The following ANKS1A variants were observed in gnomAD, a reference collection of about 807,000 sequenced individuals.
ANKS1A encodes ankyrin repeat and sterile alpha motif domain containing 1A.
A neutral mutation model predicts 120.3 loss-of-function variants in ANKS1A; 55 were observed. The observed-to-expected ratio is 0.46, with a 90% confidence interval of 0.37 to 0.57. The LOEUF (loss-of-function observed/expected upper bound fraction) is 0.57, where lower values mean the gene tolerates loss of function less well. Among genes scored for constraint, ANKS1A ranks in the 20% least tolerant of loss-of-function variants. The pLI is 0.00. For missense variants in ANKS1A, 1,123 were observed against 1,480.3 expected, an observed-to-expected ratio of 0.76 and a Z score of 3.96; for synonymous variants, 590 against 604.7, an observed-to-expected ratio of 0.98 and a Z score of 0.36.
chr6:34,969,325 C>T (rs1442302941), intron 2 of ANKS1A, among the ~76,000 whole-genome samples: 3 of 152,194 alleles, frequency 2.0e-5, no homozygotes, highest in Non-Finnish European at 4.4e-5. Context: ...GTAATCTCAG[C>T]TCACTACAAC....
At chr6:34,972,742 C>A in intron 3 of ANKS1A, 1 of 528,142 alleles carries the variant, frequency 1.9e-6, no homozygotes, top group African/African-American at 2.1e-5. Flanking sequence ...CAGGGTCCTC[C>A]TCATCATGCT....
At chr6:35,051,652 G>T (rs953688343) in intron 11 of ANKS1A, among the ~76,000 whole-genome samples, 2 of 152,134 alleles carry the variant, frequency 1.3e-5, no homozygotes, top group South Asian at 4.1e-4. Context: ...AATAAAATAC[G>T]CTTGATGCCA....
intron 1 of ANKS1A, among the ~76,000 whole-genome samples, chr6:34,952,615 C>T (rs1163215816): frequency 1.3e-5 from 2 of 152,124 alleles, no homozygotes; most frequent in African/African-American, 4.8e-5. Context: ...TTCTAGGTAA[C>T]ATGTCTTAAA....
intron 1 of ANKS1A, among the ~76,000 whole-genome samples, chr6:34,940,997 T>A (rs932810877): frequency 5.3e-5 from 8 of 150,802 alleles, no homozygotes; most frequent in African/African-American, 1.5e-4. Flanking sequence ...CTAAAAAAAA[T>A]TTTTTTTTTG....
At chr6:34,926,351 G>A (rs962817221) in intron 1 of ANKS1A, among the ~76,000 whole-genome samples, 1 of 152,070 alleles carries the variant, frequency 6.6e-6, no homozygotes, top group Non-Finnish European at 1.5e-5. Flanking sequence ...AAACTGTGAG[G>A]GCCACCTGAG....
At chr6:35,069,028 A>G (rs1776937116) in intron 13 of ANKS1A, among the ~76,000 whole-genome samples, 1 of 152,134 alleles carries the variant, frequency 6.6e-6, no homozygotes, top group African/African-American at 2.4e-5. Context: ...GCCCCTCCAC[A>G]CCATGGCCCA....
chr6:35,051,303 G>A lies in ANKS1A; in HGVS notation c.2011-2796G>A, dbSNP rs997305976. Among the ~76,000 whole-genome samples, 7 of 152,230 alleles carry A rather than the reference G, an allele frequency of 4.6e-5. No individual in the cohort carries two copies. In the South Asian group the frequency reaches 8.3e-4, roughly 18 times the overall value. On this transcript the variant is annotated intron_variant, in intron 11 of 23. Transcript: ENST00000360359. ...GGAAAGAGCAGAGCGGAGAAGCAGC[G>A]AGGGTGCTCAACTCTGTTCACTCTG... is the stretch of plus-strand genomic sequence containing the variant.
chr6:34,942,957 CTTTCCTTTTCCT>C (rs1028643256), intron 1 of ANKS1A, among the ~76,000 whole-genome samples: 2 of 149,746 alleles, frequency 1.3e-5, no homozygotes, highest in African/African-American at 2.5e-5. Context: ...CCCCTTTCCC[CTTTCCTTTTCCT>C]TTTCCTTTTC....
In ANKS1A at chr6:35,084,687, C is replaced by T. The variant is rs1194290658; in HGVS notation, c.3132+429C>T. ...CAAGGCCTTTGTTTCCCCCGGCTCC[C>T]TGCCCTAGGTCTCCAACCTCTGGCT... On this transcript the variant is annotated intron_variant, in intron 21 of 23. Coordinates refer to ENST00000360359, the MANE Select transcript of ANKS1A (RefSeq NM_015245.3). The surrounding 1 kb of genome is among the most constrained non-coding windows in gnomAD (Gnocchi z 4.8). Among the ~76,000 whole-genome samples, 1 of 152,196 alleles carries T rather than the reference C, an allele frequency of 6.6e-6. No homozygotes were observed. Among genetic ancestry groups the T allele is most frequent in the Non-Finnish European group, 1.5e-5 (1 of 68,024 alleles).
At chr6:35,002,503 G>A (rs909233075) in intron 10 of ANKS1A, among the ~76,000 whole-genome samples, 1 of 152,132 alleles carries the variant, frequency 6.6e-6, no homozygotes, top group South Asian at 2.1e-4. Context: ...AAGTCACTGA[G>A]GTAGGACAAA....
At chr6:34,987,262 A>G (rs1171213270) in intron 8 of ANKS1A, among the ~76,000 whole-genome samples, 1 of 152,184 alleles carries the variant, frequency 6.6e-6, no homozygotes, top group Non-Finnish European at 1.5e-5. Flanking sequence ...CACCTTAGAG[A>G]AAAAGACACA....
At chr6:34,906,686 A>G (rs1453323128) in intron 1 of ANKS1A, among the ~76,000 whole-genome samples, 3 of 152,264 alleles carry the variant, frequency 2.0e-5, no homozygotes, top group Non-Finnish European at 4.4e-5. Flanking sequence ...CCAGTGAAGA[A>G]TGAAATTGGG....
intron 13 of ANKS1A, among the ~76,000 whole-genome samples, 191 bp from the exon 14 acceptor site, chr6:35,078,367 C>T (rs1777475240): frequency 6.6e-6 from 1 of 152,194 alleles, no homozygotes; most frequent in South Asian, 2.1e-4. Context: ...TCTGGAGCCC[C>T]AGCTCTGCCT....
At chr6:34,925,204 C>T (rs1398059914) in intron 1 of ANKS1A, among the ~76,000 whole-genome samples, 1 of 152,014 alleles carries the variant, frequency 6.6e-6, no homozygotes, top group East Asian at 1.9e-4. Context: ...TCTTTCTTTC[C>T]TGTCCTCTGT....
At chr6:35,005,662 G>A in intron 10 of ANKS1A, 1 of 428,434 alleles carries the variant, frequency 2.3e-6, no homozygotes, top group South Asian at 1.7e-5. Flanking sequence ...ACCAAAAGGA[G>A]AGACTTGATC....
intron 11 of ANKS1A, chr6:35,023,582 T>C (rs1774462017): frequency 1.5e-5 from 7 of 468,910 alleles, no homozygotes; most frequent in Admixed American, 1.4e-4. Context: ...TTGAAAGGAG[T>C]GCAGCTGAAA....
intron 1 of ANKS1A, among the ~76,000 whole-genome samples, chr6:34,940,945 TAAA>T (rs994444299): frequency 7.9e-5 from 12 of 151,862 alleles, no homozygotes; most frequent in Admixed American, 6.6e-4. Flanking sequence ...ATCCTCATGA[TAAA>T]AAAGTCAAAC....
downstream of ANKS1A, among the ~76,000 whole-genome samples, chr6:35,095,141 C>CAAAAAA: frequency 1.2e-5 from 1 of 81,234 alleles, no homozygotes; most frequent in Non-Finnish European, 2.4e-5. Flanking sequence ...ACCCCCATCT[C>CAAAAAA]AAAAAAAAAA....
intron 1 of ANKS1A, among the ~76,000 whole-genome samples, chr6:34,966,258 G>T (rs1397569662): frequency 6.6e-6 from 1 of 152,134 alleles, no homozygotes; most frequent in East Asian, 1.9e-4. Flanking sequence ...GGCCAATTAA[G>T]TTTACTCCAA....
Sources: allele counts gnomAD v4.1 joint callset (sites outside exome capture counted in the v4.1 genomes callset), GRCh38; gene constraint gnomAD v4.1.1; non-coding constraint Gnocchi (gnomAD v3.1); transcripts MANE v1.5; gene names NCBI Gene and HGNC (gene_info 2026-07-23, HGNC 2026-07-21).